KCNIP4: variants seen among roughly 807,000 people sequenced by gnomAD.
KCNIP4 encodes the protein Kv channel-interacting protein 4.
In KCNIP4, 12 loss-of-function variants were observed where a neutral mutation model predicts 34.0. That is an observed-to-expected ratio of 0.35 (90% CI 0.23 to 0.57). The LOEUF (loss-of-function observed/expected upper bound fraction) is 0.57. Ranked by LOEUF, KCNIP4 falls within the 20% of genes least tolerant of loss-of-function variation. The pLI is 0.83. For missense variants in KCNIP4, 238 were observed against 311.7 expected, an observed-to-expected ratio of 0.76 and a Z score of 1.78; for synonymous variants, 124 against 102.2, an observed-to-expected ratio of 1.21 and a Z score of -1.29.
At chr4:21,056,422 T>C (rs1743406864) in intron 1 of KCNIP4, among the ~76,000 whole-genome samples, 1 of 152,276 alleles carries the variant, frequency 6.6e-6, no homozygotes, top group African/African-American at 2.4e-5. Context: ...CCATGAAACA[T>C]ATAATCTCTA....
intron 1 of KCNIP4, among the ~76,000 whole-genome samples, chr4:21,071,270 T>A (rs556845543): frequency 2.0e-4 from 30 of 152,322 alleles, no homozygotes; most frequent in Admixed American, 2.0e-4. Context: ...AATTTTTGTA[T>A]AAAGGGTGAA....
chr4:20,815,378 G>T (rs530265922), intron 3 of KCNIP4, among the ~76,000 whole-genome samples: 1 of 152,242 alleles, frequency 6.6e-6, no homozygotes, highest in Admixed American at 6.5e-5. Context: ...CTGAGGGAAG[G>T]AATTGTCTCA....
At chr4:21,913,988 G>A (rs1728488976) in intron 1 of KCNIP4, among the ~76,000 whole-genome samples, 1 of 152,146 alleles carries the variant, frequency 6.6e-6, no homozygotes, top group Admixed American at 6.6e-5. Flanking sequence ...CACCCCCAAG[G>A]CTTGAATGAA....
intron 2 of KCNIP4, among the ~76,000 whole-genome samples, chr4:20,852,558 A>G (rs2149485422): frequency 6.6e-6 from 1 of 152,300 alleles, no homozygotes; most frequent in South Asian, 2.1e-4. Flanking sequence ...CCCTCTGAGA[A>G]TGGAAACAAG....
chr4:21,455,566 C>A (rs1577387602), intron 1 of KCNIP4, among the ~76,000 whole-genome samples: 1 of 149,302 alleles, frequency 6.7e-6, no homozygotes, highest in African/African-American at 2.4e-5. Context: ...GTAGTTTTAT[C>A]AGATAAATCC....
intron 1 of KCNIP4, among the ~76,000 whole-genome samples, chr4:20,925,358 G>A (rs1421949119): frequency 6.6e-6 from 1 of 152,040 alleles, no homozygotes; most frequent in Non-Finnish European, 1.5e-5. Context: ...ACAAGATACA[G>A]GTCGTAAAGA....
At chr4:21,611,567 T>A (rs1744158173) in intron 1 of KCNIP4, among the ~76,000 whole-genome samples, 1 of 152,214 alleles carries the variant, frequency 6.6e-6, no homozygotes, top group Admixed American at 6.5e-5. Flanking sequence ...TCTTGGTTTG[T>A]TAACATTGAT....
intron 1 of KCNIP4, among the ~76,000 whole-genome samples, chr4:21,046,511 A>T (rs1742429472): frequency 6.6e-6 from 1 of 152,142 alleles, no homozygotes; most frequent in Admixed American, 6.6e-5. Flanking sequence ...TAGACTTTTA[A>T]ATAAAGCCAG....
rs1026792697 is a variant in KCNIP4, at chr4:21,412,379, A to G, written c.62-529670T>C. Reference sequence around the variant, plus strand: ...CTCCACATTCTTCCTTCTTTCTTGAAGATTTCTGCTACCTCAGTTCCTCAC... The same window carrying G: ...CTCCACATTCTTCCTTCTTTCTTGAGGATTTCTGCTACCTCAGTTCCTCAC... On this transcript the variant is annotated intron_variant, in intron 1 of 8. Coordinates refer to ENST00000382152, the MANE Select transcript of KCNIP4 (RefSeq NM_025221.6). 2.0e-5 allele frequency among the ~76,000 whole-genome samples: 3 copies of G among 152,100 alleles called. 1 individual carries two copies. The highest frequency in any genetic ancestry group is 7.2e-5 in the African/African-American group (3 of 41,412).
At chr4:21,670,496 C>G (rs531554810) in intron 1 of KCNIP4, among the ~76,000 whole-genome samples, 1 of 151,512 alleles carries the variant, frequency 6.6e-6, no homozygotes, top group East Asian at 2.0e-4. Context: ...GAGTGCAGCG[C>G]ACCAGCATGG....
At chr4:21,730,824 G>A (rs116700894) in intron 1 of KCNIP4, among the ~76,000 whole-genome samples, 4,554 of 152,078 alleles carry the variant, frequency 0.03, 209 homozygotes, top group African/African-American at 0.1. Context: ...ATTAAGAGTC[G>A]ATTCTAGGCT....
intron 2 of KCNIP4, among the ~76,000 whole-genome samples, chr4:20,855,582 G>A (rs1350955258): frequency 1.3e-5 from 2 of 151,990 alleles, no homozygotes; most frequent in African/African-American, 4.8e-5. Flanking sequence ...GCATTGAGGG[G>A]CCAAAGCTCT....
At chr4:21,438,102 TC>T (rs1727116751) in intron 1 of KCNIP4, among the ~76,000 whole-genome samples, 1 of 152,186 alleles carries the variant, frequency 6.6e-6, no homozygotes, top group Admixed American at 6.5e-5. Context: ...AAGCGTGTGT[TC>T]ATTTAAAGGC....
intron 1 of KCNIP4, among the ~76,000 whole-genome samples, chr4:21,854,460 C>A (rs1724623852): frequency 6.6e-6 from 1 of 152,124 alleles, no homozygotes; most frequent in Admixed American, 6.5e-5. Flanking sequence ...TAATCATCCC[C>A]AAATCTACAT....
chr4:21,268,895 G>T (rs541847611), intron 1 of KCNIP4, among the ~76,000 whole-genome samples: 1 of 152,214 alleles, frequency 6.6e-6, no homozygotes, highest in Non-Finnish European at 1.5e-5. Flanking sequence ...CTAGGCTAAG[G>T]TGCATGTGGG....
chr4:21,025,541 C>CTGTTTTTTTT, intron 1 of KCNIP4, among the ~76,000 whole-genome samples: 2 of 32,054 alleles, frequency 6.2e-5, no homozygotes, highest in Non-Finnish European at 1.1e-4. Context: ...CTCATTGATA[C>CTGTTTTTTTT]TGTTTTTTTT....
At chr4:21,363,147 T>C (rs1418713429) in intron 1 of KCNIP4, among the ~76,000 whole-genome samples, 3 of 152,194 alleles carry the variant, frequency 2.0e-5, no homozygotes, top group Non-Finnish European at 4.4e-5. Context: ...CAGTAGCTAC[T>C]GAAGTTGAAG....
chr4:20,795,913 T>C (rs1336113857), intron 3 of KCNIP4, among the ~76,000 whole-genome samples: 4 of 152,146 alleles, frequency 2.6e-5, no homozygotes, highest in African/African-American at 9.7e-5. Context: ...ACAGAAGAAA[T>C]TGTATCAGTC....
chr4:21,862,208 T>C (rs1201667955), intron 1 of KCNIP4, among the ~76,000 whole-genome samples: 1 of 152,202 alleles, frequency 6.6e-6, no homozygotes, highest in African/African-American at 2.4e-5. Flanking sequence ...TGCTTTACTT[T>C]GTTTCTCAGA....
Sources: allele counts gnomAD v4.1 joint callset (sites outside exome capture counted in the v4.1 genomes callset), GRCh38; gene constraint gnomAD v4.1.1; transcripts MANE v1.5; gene names NCBI Gene and HGNC (gene_info 2026-07-23, HGNC 2026-07-21).